ARMC2: variants seen among roughly 807,000 people sequenced by gnomAD.
The protein encoded by ARMC2 is armadillo repeat-containing protein 2.
Under a neutral mutation model 90.3 loss-of-function variants are expected in ARMC2, and 67 were observed. The observed-to-expected ratio is 0.74, with a 90% CI of 0.61 to 0.91. The LOEUF (loss-of-function observed/expected upper bound fraction) is 0.91. Ranked by LOEUF, ARMC2 falls within the 40% of genes least tolerant of loss-of-function variation. The probability of loss-of-function intolerance (pLI) is 0.00; values close to 1 mark genes in which losing one functional copy is unlikely to be tolerated. For missense variants in ARMC2, 920 were observed against 1,030.9 expected (o/e 0.89, Z 1.47); for synonymous variants, 393 against 393.0 (o/e 1.00, Z 0.00).
At chr6:108,907,883 T>C (rs533743027) in intron 8 of ARMC2, 5 of 1,604,890 alleles carry the variant, frequency 3.1e-6, no homozygotes, top group East Asian at 4.5e-5. Context: ...CTTAGAGTCC[T>C]GGTGTCCGCT....
chr6:109,017,475 C>T, the ARMC2 span, among the ~76,000 whole-genome samples: 2 of 151,990 alleles, frequency 1.3e-5, no homozygotes, highest in African/African-American at 4.8e-5. Context: ...TTAGTAGAGA[C>T]GGGGTTTCAC....
At position 108,868,992 on chromosome 6, in the gene ARMC2, G is replaced by A. The variant is rs199572050; in HGVS notation, c.460G>A (p.Asp154Asn). Reference protein sequence around the residue: ...LLPDRSLPPSDSKKTVESKET... With the variant: ...LLPDRSLPPSNSKKTVESKET... ...GCCGGACAGATCCCTTCCTCCCTCCGACTGTAAGGCCATGTAACATCCTGT... is the reference window on the plus strand; with the variant it reads ...GCCGGACAGATCCCTTCCTCCCTCCAACTGTAAGGCCATGTAACATCCTGT... The change falls in exon 4 of 18, where the codon GAC becomes AAC. Residue 154 changes from aspartate (D) to asparagine (N), a missense_variant. By Grantham distance (23) the Asp-to-Asn change is conservative. Coordinates refer to ENST00000392644, the MANE Select transcript of ARMC2 (RefSeq NM_032131.6). 46 of 1,610,844 alleles carry A rather than the reference G, an allele frequency of 2.9e-5. No individual in the cohort carries two copies. Among genetic ancestry groups the A allele is most frequent in the African/African-American group, 1.5e-4 (11 of 74,898 alleles).
chr6:108,874,179 A>G (rs1394390567), intron 4 of ARMC2, among the ~76,000 whole-genome samples: 2 of 152,164 alleles, frequency 1.3e-5, no homozygotes, highest in South Asian at 2.1e-4. Context: ...CAGGAATGAG[A>G]GTGAGCCCCC....
chr6:108,941,776 G>T (rs911476), intron 12 of ARMC2, among the ~76,000 whole-genome samples: 87,521 of 151,984 alleles, frequency 0.58, 25,831 homozygotes, highest in East Asian at 0.88. Flanking sequence ...AAATACTTTT[G>T]AAGTGTGTTC....
At chr6:109,001,497 ATG>A in the ARMC2 span, 1 of 1,603,148 alleles carries the variant, frequency 6.2e-7, no homozygotes, top group Non-Finnish European at 8.5e-7. Flanking sequence ...ATCTGTATAA[ATG>A]AGAAAAACCA....
the ARMC2 span, among the ~76,000 whole-genome samples, chr6:108,991,746 C>T: frequency 2.0e-5 from 3 of 152,138 alleles, no homozygotes; most frequent in African/African-American, 7.2e-5. Flanking sequence ...GATAGTATGC[C>T]ATCACGCTGG....
intron 10 of ARMC2, among the ~76,000 whole-genome samples, chr6:108,916,080 GA>G (rs5879004): frequency 0.73 from 110,899 of 151,726 alleles, 41,009 homozygotes; most frequent in Middle Eastern, 0.81. Context: ...TTGCTTAGAG[GA>G]AAAAAAAACA....
chr6:108,899,644 G>A (rs544483279), intron 6 of ARMC2, 50 bp from the exon 7 acceptor site: 2 of 1,413,418 alleles, frequency 1.4e-6, no homozygotes, highest in Admixed American at 3.6e-5. Context: ...CATGCTTCAT[G>A]ACAACTCCTT....
At chr6:108,852,571 G>A (rs1055392801) in intron 1 of ARMC2, among the ~76,000 whole-genome samples, 1 of 152,180 alleles carries the variant, frequency 6.6e-6, no homozygotes, top group African/African-American at 2.4e-5. Context: ...CTCTCTGAAA[G>A]AGTATAGTTT....
chr6:108,948,193 A>G (rs1216149517), intron 12 of ARMC2, among the ~76,000 whole-genome samples: 4 of 152,182 alleles, frequency 2.6e-5, no homozygotes, highest in Non-Finnish European at 5.9e-5. Context: ...CCCAACGCAG[A>G]CCTTGGTTCA....
chr6:108,962,591 T>C (rs1448100268), intron 15 of ARMC2, among the ~76,000 whole-genome samples: 1 of 152,226 alleles, frequency 6.6e-6, no homozygotes, highest in East Asian at 1.9e-4. Context: ...GCCTTGAATA[T>C]AAGTTTTAAA....
chr6:109,039,670 A>C, the ARMC2 span, among the ~76,000 whole-genome samples: 2 of 152,262 alleles, frequency 1.3e-5, no homozygotes, highest in African/African-American at 4.8e-5. Context: ...TGTAGATTCT[A>C]AACTTGCTAA....
rs753040535 is a variant in ARMC2 at position 108,928,150 on chromosome 6, C to T, written c.1413C>T (p.Ile471=). The T allele has an allele frequency of 6.2e-7, 1 of 1,613,476 alleles. No homozygotes were observed. Among genetic ancestry groups the T allele is most frequent in the South Asian group, 1.1e-5 (1 of 91,016 alleles). ...TAGTAAGAAGTAAGTTCCTAAACAT[C>T]AGTGCCCTTCCCCAGCTCTGCACGG... ...SSLVRSKFLN[I]SALPQLCTAM... is the part of the protein sequence containing the mutation. Residue 471 remains isoleucine (I), a synonymous_variant, in exon 11 of 18, where the codon ATC becomes ATT. Transcript: ENST00000392644.
At chr6:109,023,261 C>T in the ARMC2 span, among the ~76,000 whole-genome samples, 8 of 152,324 alleles carry the variant, frequency 5.3e-5, no homozygotes, top group African/African-American at 1.9e-4. Context: ...TTCTCCCTGA[C>T]ACTTGAAAAC....
chr6:108,996,516 A>AAT, the ARMC2 span, among the ~76,000 whole-genome samples: 1 of 152,132 alleles, frequency 6.6e-6, no homozygotes, highest in Non-Finnish European at 1.5e-5. Flanking sequence ...TCTCCTCTTA[A>AAT]AGAGCCCAAA....
chr6:108,992,229 G>C, the ARMC2 span, among the ~76,000 whole-genome samples: 2 of 152,088 alleles, frequency 1.3e-5, no homozygotes, highest in Non-Finnish European at 2.9e-5. Context: ...CTCCTGAGTA[G>C]ATGGGACCAC....
chr6:109,027,964 A>C, the ARMC2 span, among the ~76,000 whole-genome samples: 1 of 152,170 alleles, frequency 6.6e-6, no homozygotes, highest in Admixed American at 6.5e-5. Context: ...TTTGAATACA[A>C]GTACTTTGAT....
chr6:108,909,463 A>C (rs1004894960), intron 8 of ARMC2, among the ~76,000 whole-genome samples: 9 of 152,176 alleles, frequency 5.9e-5, no homozygotes, highest in Admixed American at 2.0e-4. Flanking sequence ...TAAAAAAAAA[A>C]ACACTATATT....
the ARMC2 span, among the ~76,000 whole-genome samples, chr6:108,985,362 T>A: frequency 1.3e-5 from 2 of 152,166 alleles, no homozygotes; most frequent in African/African-American, 4.8e-5. Context: ...AAGAAAATTT[T>A]CCTCTGGTTG....
Sources: allele counts gnomAD v4.1 joint callset (sites outside exome capture counted in the v4.1 genomes callset), GRCh38; gene constraint gnomAD v4.1.1; transcripts MANE v1.5; gene names NCBI Gene and HGNC (gene_info 2026-07-23, HGNC 2026-07-21).